The following KLHL32 variants were observed in gnomAD, a reference collection of about 807,000 sequenced individuals.
KLHL32 encodes kelch like family member 32.
KLHL32 carries 35 observed loss-of-function variants against 64.8 expected under a neutral mutation model. That is an observed-to-expected ratio of 0.54 (90% confidence interval 0.41 to 0.72). The LOEUF is 0.72. Ranked by LOEUF, KLHL32 falls within the 30% of genes least tolerant of loss-of-function variation. The pLI, the probability that KLHL32 is intolerant of heterozygous loss-of-function variation, is 0.00. For missense variants in KLHL32, 589 were observed against 768.5 expected, an observed-to-expected ratio of 0.77 and a Z score of 2.76; for synonymous variants, 259 against 281.0, an observed-to-expected ratio of 0.92 and a Z score of 0.78.
chr6:96,918,674 G>T, the KLHL32 span, among the ~76,000 whole-genome samples: 7 of 152,142 alleles, frequency 4.6e-5, no homozygotes, highest in African/African-American at 1.7e-4. Context: ...AAACATGAAA[G>T]AAAATTTTCA....
At chr6:97,055,626 T>G (rs924644536) in intron 4 of KLHL32, among the ~76,000 whole-genome samples, 1 of 151,964 alleles carries the variant, frequency 6.6e-6, no homozygotes, top group African/African-American at 2.4e-5. Flanking sequence ...GGTGAAACTC[T>G]GTCTCTACTA....
At chr6:97,113,417 T>A (rs959516269) in intron 6 of KLHL32, among the ~76,000 whole-genome samples, 1 of 152,156 alleles carries the variant, frequency 6.6e-6, no homozygotes, top group East Asian at 1.9e-4. Flanking sequence ...ACCATTGACA[T>A]TTCCTGGTGG....
rs572240086 is a variant in KLHL32 at position 97,079,161 on chromosome 6, A to T, written c.412-5965A>T. 1.4e-4 allele frequency among the ~76,000 whole-genome samples: 21 copies of T among 152,144 alleles called. 1 individual carries two copies. The highest frequency in any genetic ancestry group is 3.1e-4 in the Non-Finnish European group (21 of 68,034). Reference sequence around the variant, plus strand: ...ATTTCATAGGCTTAAATCTACTCTAAATTATAAACAAAGTACTTCTTGTAT... The same window carrying T: ...ATTTCATAGGCTTAAATCTACTCTATATTATAAACAAAGTACTTCTTGTAT... On this transcript the variant is annotated intron_variant, in intron 5 of 10. Transcript: ENST00000369261.
intron 6 of KLHL32, among the ~76,000 whole-genome samples, chr6:97,098,103 C>T (rs1023471392): frequency 1.3e-5 from 2 of 152,136 alleles, no homozygotes; most frequent in East Asian, 3.8e-4. Flanking sequence ...ATAAATCCAG[C>T]ACCTAATCTT....
chr6:97,118,058 G>A (rs1172973666), intron 7 of KLHL32, among the ~76,000 whole-genome samples: 2 of 152,128 alleles, frequency 1.3e-5, no homozygotes, highest in African/African-American at 4.8e-5. Context: ...CCCTCTAGGA[G>A]CTGGCAATCA....
At chr6:96,948,323 C>A (rs1294756783) in intron 1 of KLHL32, among the ~76,000 whole-genome samples, 1 of 152,048 alleles carries the variant, frequency 6.6e-6, no homozygotes, top group East Asian at 1.9e-4. Context: ...TGGTTCATAT[C>A]CTCTGCTTGG....
intron 3 of KLHL32, among the ~76,000 whole-genome samples, chr6:97,009,727 G>A (rs777826832): frequency 2.4e-4 from 36 of 152,170 alleles, no homozygotes; most frequent in Non-Finnish European, 4.7e-4. Context: ...AAGACTGCCT[G>A]TATTTCATGC....
chr6:96,926,523 T>C (rs984611105), intron 1 of KLHL32, among the ~76,000 whole-genome samples: 1 of 152,226 alleles, frequency 6.6e-6, no homozygotes, highest in Non-Finnish European at 1.5e-5. Flanking sequence ...ACTCAAACCT[T>C]GCTGAAGGTC....
chr6:96,914,687 T>C, the KLHL32 span: 1 of 152,058 alleles, frequency 6.6e-6, no homozygotes, highest in East Asian at 1.9e-4. Flanking sequence ...CTTTTTCTTT[T>C]ATTTTTTTTT....
chr6:97,115,267 T>C (rs1462467467), intron 7 of KLHL32, among the ~76,000 whole-genome samples: 1 of 152,202 alleles, frequency 6.6e-6, no homozygotes, highest in African/African-American at 2.4e-5. Flanking sequence ...CCACCAGTCT[T>C]GGCCTCCCAA....
rs768300638 is a variant in KLHL32, at chr6:97,127,455, C to A, written c.1406C>A (p.Pro469His). 1.2e-6 allele frequency: 2 copies of A among 1,611,888 alleles called. No homozygotes were observed. Among genetic ancestry groups the A allele is most frequent in the Non-Finnish European group, 1.7e-6 (2 of 1,178,254 alleles). ...CAGAACAGGCTAATGGTGTATGAAC[C>A]TAACCAGGTAAGAATCATGTAAGAA... is the stretch of plus-strand genomic sequence containing the variant. The part of the protein sequence containing the change: ...QYQNRLMVYE[P>H]NQNKWISRSP... Residue 469 changes from proline (P) to histidine (H), a missense_variant, in exon 8 of 11, where the codon CCT becomes CAT. Physicochemically the swap from Pro to His is moderately conservative, Grantham distance 77. Transcript: ENST00000369261.
intron 3 of KLHL32, among the ~76,000 whole-genome samples, chr6:96,993,191 T>A (rs1778079864): frequency 6.6e-6 from 1 of 152,264 alleles, no homozygotes; most frequent in Admixed American, 6.5e-5. Context: ...TTTTGCTGCA[T>A]AACAAAGTAC....
intron 3 of KLHL32, among the ~76,000 whole-genome samples, chr6:97,036,285 A>T (rs1181420747): frequency 1.3e-5 from 2 of 151,992 alleles, no homozygotes; most frequent in African/African-American, 2.4e-5. Flanking sequence ...TACTTTCCTG[A>T]TATTATTGAG....
At chr6:96,995,183 A>G (rs954836324) in intron 3 of KLHL32, among the ~76,000 whole-genome samples, 4 of 152,204 alleles carry the variant, frequency 2.6e-5, no homozygotes, top group African/African-American at 7.2e-5. Context: ...CTGACACTCA[A>G]TAAATGTGAG....
At chr6:97,026,252 G>A (rs1418762606) in intron 3 of KLHL32, among the ~76,000 whole-genome samples, 1 of 152,008 alleles carries the variant, frequency 6.6e-6, no homozygotes, top group Admixed American at 6.6e-5. Flanking sequence ...AGCATCAAAT[G>A]TGTTTGCAGA....
the KLHL32 span, among the ~76,000 whole-genome samples, chr6:96,918,665 A>C: frequency 1.3e-5 from 2 of 152,226 alleles, no homozygotes; most frequent in Non-Finnish European, 2.9e-5. Flanking sequence ...AAGTGGCCTA[A>C]ACATGAAAGA....
chr6:97,085,379 A>C (rs1260253031), intron 6 of KLHL32, 38 bp downstream of exon 6: 1 of 1,556,540 alleles, frequency 6.4e-7, no homozygotes, highest in Admixed American at 1.7e-5. Flanking sequence ...GGCACTGAAA[A>C]AGCATGCCGT....
intron 3 of KLHL32, among the ~76,000 whole-genome samples, chr6:97,039,849 C>A (rs199535871): frequency 2.1e-4 from 28 of 130,410 alleles, no homozygotes; most frequent in Admixed American, 4.5e-4. Context: ...AAACAAAAAA[C>A]AAAGAAAGAA....
intron 7 of KLHL32, among the ~76,000 whole-genome samples, chr6:97,121,066 C>A (rs1285244976): frequency 6.6e-6 from 1 of 152,190 alleles, no homozygotes; most frequent in South Asian, 2.1e-4. Context: ...ATTAACAAAG[C>A]TTTCATCCTA....
Sources: allele counts gnomAD v4.1 joint callset (sites outside exome capture counted in the v4.1 genomes callset), GRCh38; gene constraint gnomAD v4.1.1; transcripts MANE v1.5; gene names NCBI Gene and HGNC (gene_info 2026-07-23, HGNC 2026-07-21).